The following PLEKHA5 variants were observed in gnomAD, a reference collection of about 807,000 sequenced individuals.
PLEKHA5 encodes the protein pleckstrin homology domain containing A5.
A neutral mutation model predicts 181.9 loss-of-function variants in PLEKHA5; 55 were observed. The observed-to-expected ratio is 0.30, with a 90% CI of 0.24 to 0.38. PLEKHA5 has a LOEUF of 0.38. PLEKHA5 is among the 10% of genes least tolerant of loss of function. The pLI, the probability that PLEKHA5 is intolerant of heterozygous loss-of-function variation, is 1.00. For synonymous variants in PLEKHA5, 535 were observed against 529.4 expected, an observed-to-expected ratio of 1.01 and a Z score of -0.15; for missense variants, 1,432 against 1,549.5, an observed-to-expected ratio of 0.92 and a Z score of 1.27.
At chr12:19,256,953 C>T (rs1484401573) in intron 5 of PLEKHA5, among the ~76,000 whole-genome samples, 6 of 152,118 alleles carry the variant, frequency 3.9e-5, no homozygotes, top group Non-Finnish European at 2.9e-5. Flanking sequence ...CCTGTTTTGA[C>T]TTGATGTGAT....
chr12:19,253,298 C>T (rs1015144515), intron 3 of PLEKHA5, among the ~76,000 whole-genome samples: 11 of 150,768 alleles, frequency 7.3e-5, no homozygotes, highest in Admixed American at 3.3e-4. Context: ...TGGTCTTGAA[C>T]GCCTGACCTC....
At chr12:19,358,073 C>G (rs1468462860) in intron 26 of PLEKHA5, among the ~76,000 whole-genome samples, 155 bp from the exon 27 acceptor site, 1 of 152,180 alleles carries the variant, frequency 6.6e-6, no homozygotes, top group African/African-American at 2.4e-5. Flanking sequence ...ATAGCAATTT[C>G]ATGTGCCTTT....
At chr12:19,160,292 A>G (rs1301493237) in intron 3 of PLEKHA5, among the ~76,000 whole-genome samples, 1 of 151,950 alleles carries the variant, frequency 6.6e-6, no homozygotes, top group African/African-American at 2.4e-5. Flanking sequence ...TTTCTTCATC[A>G]TCATCATCAT....
At chr12:19,257,346 GAA>G (rs2067146009) in intron 5 of PLEKHA5, 85 bp from the exon 6 acceptor site, 1 of 650,906 alleles carries the variant, frequency 1.5e-6, no homozygotes, top group Non-Finnish European at 2.7e-6. Context: ...GGGAAAATCT[GAA>G]AAGAGATTAA....
chr12:19,302,225 C>T lies in PLEKHA5; in HGVS notation c.2037+10528C>T, dbSNP rs74452522. On this transcript the variant is annotated intron_variant, in intron 15 of 31. Transcript: ENST00000429027. ...CCTTTTTCTCTTAAATGGAAAATGA[C>T]AGCAAGAGATGGGTCTTCTTCTTAG... 1.4e-3 allele frequency among the ~76,000 whole-genome samples: 217 copies of T among 152,250 alleles called. 3 individuals carry two copies. In the East Asian group the frequency reaches 0.026, roughly 18 times the overall value.
intron 3 of PLEKHA5, among the ~76,000 whole-genome samples, chr12:19,229,396 G>C (rs1049111348): frequency 6.6e-6 from 1 of 152,104 alleles, no homozygotes; most frequent in Admixed American, 6.6e-5. Flanking sequence ...AGATGTGTTC[G>C]GAGTTTCTTC....
chr12:19,148,044 G>A (rs542565005), intron 3 of PLEKHA5, among the ~76,000 whole-genome samples: 3 of 150,076 alleles, frequency 2.0e-5, no homozygotes, highest in South Asian at 2.1e-4. Flanking sequence ...AGCTTTTGAA[G>A]TATTTTATTT....
At chr12:19,308,806 G>A (rs1290636024) in intron 15 of PLEKHA5, among the ~76,000 whole-genome samples, 2 of 152,042 alleles carry the variant, frequency 1.3e-5, no homozygotes, top group Non-Finnish European at 2.9e-5. Context: ...TAGCACTTTG[G>A]GAGGCCGAAG....
intron 3 of PLEKHA5, among the ~76,000 whole-genome samples, chr12:19,216,479 A>G (rs1434802264): frequency 6.6e-6 from 1 of 152,104 alleles, no homozygotes; most frequent in Non-Finnish European, 1.5e-5. Flanking sequence ...CCTGGCCAAC[A>G]TGCCGAAACC....
chr12:19,352,113 G>A (rs1240203080), intron 25 of PLEKHA5, among the ~76,000 whole-genome samples: 1 of 146,138 alleles, frequency 6.8e-6, no homozygotes, highest in Non-Finnish European at 1.5e-5. Context: ...GCTGGGCCTA[G>A]TGGCACGCGC....
intron 7 of PLEKHA5, among the ~76,000 whole-genome samples, chr12:19,262,627 C>A (rs1385548763): frequency 2.0e-5 from 3 of 152,154 alleles, no homozygotes; most frequent in Non-Finnish European, 4.4e-5. Context: ...TGGGACTCAT[C>A]ACTTTTACTA....
At chr12:19,305,861 CAAA>C (rs376068601) in intron 15 of PLEKHA5, among the ~76,000 whole-genome samples, 8 of 37,888 alleles carry the variant, frequency 2.1e-4, no homozygotes, top group East Asian at 1.7e-3. Flanking sequence ...AACTCCATCT[CAAA>C]AAAAAAAAAA....
chr12:19,357,070 T>C (rs59294172), intron 26 of PLEKHA5, among the ~76,000 whole-genome samples: 6,112 of 152,172 alleles, frequency 0.04, 245 homozygotes, highest in East Asian at 0.2. Context: ...ACGGTAAATG[T>C]ATAACTTAAA....
chr12:19,203,779 T>A (rs1476459434), intron 3 of PLEKHA5, among the ~76,000 whole-genome samples: 2 of 152,128 alleles, frequency 1.3e-5, no homozygotes, highest in African/African-American at 4.8e-5. Context: ...TTGTTTCCAT[T>A]GTGTATTGCA....
intron 26 of PLEKHA5, among the ~76,000 whole-genome samples, 172 bp downstream of exon 26, chr12:19,354,174 C>T (rs1391186543): frequency 1.6e-4 from 2 of 12,608 alleles, no homozygotes; most frequent in African/African-American, 2.2e-4. Context: ...TTTTTTGAGA[C>T]GGAGTCTCGC....
chr12:19,323,051 T>C (rs1592489484), intron 20 of PLEKHA5, among the ~76,000 whole-genome samples: 1 of 120,502 alleles, frequency 8.3e-6, no homozygotes, highest in East Asian at 2.5e-4. Context: ...TTCATAGAAA[T>C]GGGGCCTCAC....
intron 11 of PLEKHA5, among the ~76,000 whole-genome samples, chr12:19,280,799 C>T (rs572507726): frequency 1.3e-5 from 2 of 151,956 alleles, no homozygotes; most frequent in African/African-American, 4.8e-5. Flanking sequence ...CAACCTCCAC[C>T]TCCCAGGTTT....
intron 3 of PLEKHA5, among the ~76,000 whole-genome samples, chr12:19,189,460 A>G (rs2050586084): frequency 2.6e-5 from 4 of 152,132 alleles, no homozygotes; most frequent in Admixed American, 2.6e-4. Flanking sequence ...CAGCCCTGTG[A>G]TTCATGCAGC....
At chr12:19,271,624 GTATAT>G (rs1331710491) in intron 10 of PLEKHA5, among the ~76,000 whole-genome samples, 2 of 152,054 alleles carry the variant, frequency 1.3e-5, no homozygotes, top group African/African-American at 4.8e-5. Flanking sequence ...TTTCAATATT[GTATAT>G]TATACTTTTC....
Sources: gnomAD v4.1 joint callset for allele counts (sites outside exome capture counted in the v4.1 genomes callset) on GRCh38, gnomAD v4.1.1 for gene constraint, MANE v1.5 for transcripts, NCBI Gene and HGNC (gene_info 2026-07-23, HGNC 2026-07-21) for gene names.